UGT2B17: variants seen among roughly 807,000 people sequenced by gnomAD.
The protein encoded by UGT2B17 is UDP-glucuronosyltransferase 2B17.
UGT2B17 carries 21 observed loss-of-function variants against 48.2 expected under a neutral mutation model. The ratio of observed to expected loss-of-function variants is 0.44; its 90% CI spans 0.31 to 0.63. UGT2B17 has a LOEUF of 0.63. Among genes scored for constraint, UGT2B17 ranks in the 20% least tolerant of loss-of-function variants. The pLI is 0.08. For missense variants in UGT2B17, 402 were observed against 696.1 expected (o/e 0.58, Z 4.75); for synonymous variants, 146 against 238.4 (o/e 0.61, Z 3.57).
rs1430218118 is a variant in UGT2B17, at chr4:68,558,422, A to G, written c.1005+2115T>C. On this transcript the variant is annotated intron_variant, in intron 4 of 6. Coordinates refer to ENST00000317746, the MANE Select transcript of UGT2B17 (RefSeq NM_001077.4). ...CTAAGCTATGCTTTCATAAAGCCCT[A>G]CAAATTAAGCTAGACAACTTAAACT... is the stretch of plus-strand genomic sequence containing the variant. 2.4e-4 allele frequency among the ~76,000 whole-genome samples: 30 copies of G among 126,414 alleles called. 6 individuals are homozygous for G. Among genetic ancestry groups the G allele is most frequent in the Non-Finnish European group, 3.7e-4 (22 of 59,418 alleles). 82.9% of individuals were successfully genotyped at this position (126,414 alleles called of 152,430 possible). A position where few individuals can be genotyped will look rare whatever the true frequency, so the allele number is the denominator to read the frequency against.
At chr4:68,573,792 A>T (rs1250173031) in intron 1 of UGT2B17, among the ~76,000 whole-genome samples, 1 of 126,828 alleles carries the variant, frequency 7.9e-6, no homozygotes, top group Non-Finnish European at 1.7e-5. Context: ...AAAATTCTTA[A>T]GCTCACTGCA....
Position 68,573,996 on chromosome 4 carries a change from CA to C in UGT2B17, c.-65+1954del, listed in dbSNP as rs1731331762. 1.6e-5 allele frequency among the ~76,000 whole-genome samples: 2 copies of C among 126,322 alleles called. 1 individual carries two copies. Among genetic ancestry groups the C allele is most frequent in the Admixed American group, 1.6e-4 (2 of 12,440 alleles). 82.9% of individuals were successfully genotyped at this position (126,322 alleles called of 152,430 possible). A position where few individuals can be genotyped will look rare whatever the true frequency, so the allele number is the denominator to read the frequency against. On this transcript the variant is annotated intron_variant, in intron 1 of 6. Transcript: ENST00000317746. ...CCTGGAAAAGAGCTACCATCAGGCCCACACCTGGTGAACTGGAGGACCACCG... is the reference window on the plus strand; with the variant it reads ...CCTGGAAAAGAGCTACCATCAGGCCCCACCTGGTGAACTGGAGGACCACCG...
rs558987439 is a variant in UGT2B17, at chr4:68,572,067, C to T, written c.-64-3519G>A. On this transcript the variant is annotated intron_variant, in intron 1 of 6. Transcript: ENST00000317746. ...GAGTTTTCCTTTTTGGAGTCAAACA[C>T]GATCTTTTTTATTTTCCTTTTAAGT... is the stretch of plus-strand genomic sequence containing the variant. Among the ~76,000 whole-genome samples the T allele has an allele frequency of 4.0e-4, 50 of 125,790 alleles. 8 individuals carry two copies. The highest frequency in any genetic ancestry group is 1.3e-3 in the African/African-American group (47 of 36,890). 82.5% of individuals were successfully genotyped at this position (125,790 alleles called of 152,430 possible).
intron 3 of UGT2B17, among the ~76,000 whole-genome samples, chr4:68,562,825 G>T (rs1273196129): frequency 8.0e-6 from 1 of 125,140 alleles, no homozygotes; most frequent in Non-Finnish European, 1.7e-5. Context: ...TTTTCTCATT[G>T]TATATGCCTT....
chr4:68,563,202 A>G (rs1166473291), intron 3 of UGT2B17, among the ~76,000 whole-genome samples: 1 of 127,508 alleles, frequency 7.8e-6, no homozygotes, highest in Non-Finnish European at 1.7e-5. Flanking sequence ...AGAATCTAAT[A>G]CATAATGGAA....
intron 6 of UGT2B17, among the ~76,000 whole-genome samples, chr4:68,545,002 C>T (rs1468692677): frequency 1.6e-5 from 2 of 125,912 alleles, no homozygotes; most frequent in Non-Finnish European, 3.4e-5. Flanking sequence ...CCACCGTCAA[C>T]ATTAGACAGA....
At position 68,568,643 on chromosome 4, in the gene UGT2B17, A is replaced by T. The variant is rs1393441888; in HGVS notation, c.-64-95T>A. On this transcript the variant is annotated intron_variant, in intron 1 of 6. Coordinates refer to ENST00000317746, the MANE Select transcript of UGT2B17 (RefSeq NM_001077.4). ...TGTTTGGTGTTCTTTTATATTTACA[A>T]TTACTCTAGTCAAGCAATAATTTTT... The T allele has an allele frequency of 6.7e-5, 51 of 759,764 alleles. 10 individuals carry two copies. In the African/African-American group the frequency reaches 8.0e-4, roughly 12 times the overall value. The allele number at this position is 759,764 out of a possible 1,614,324, so 47.1% of individuals were successfully genotyped here.
intron 4 of UGT2B17, among the ~76,000 whole-genome samples, chr4:68,554,688 A>G (rs1730971515): frequency 8.0e-6 from 1 of 125,430 alleles, no homozygotes. Flanking sequence ...TCCTTCTAGC[A>G]CACCAATTTT....
At chr4:68,563,391 C>T (rs1468143308) in intron 3 of UGT2B17, among the ~76,000 whole-genome samples, 1 of 126,834 alleles carries the variant, frequency 7.9e-6, no homozygotes, top group African/African-American at 2.7e-5. Flanking sequence ...AAGTGGATCA[C>T]CTGAGGTCAG....
rs1406057662 is a variant in UGT2B17, at chr4:68,537,621, A to G, written c.*4T>C. 4 of 1,354,816 alleles carry G rather than the reference A, an allele frequency of 3.0e-6. 1 individual carries two copies. Among genetic ancestry groups the G allele is most frequent in the Non-Finnish European group, 3.8e-6 (4 of 1,040,816 alleles). 83.9% of individuals were successfully genotyped at this position (1,354,816 alleles called of 1,614,324 possible). A position where few individuals can be genotyped will look rare whatever the true frequency, so the allele number is the denominator to read the frequency against. ...GGTCATTCCACTTCAGGCTTTTGATATAACTAATCCCTTTTCTTCTTCTTT... is the reference window on the plus strand; with the variant it reads ...GGTCATTCCACTTCAGGCTTTTGATGTAACTAATCCCTTTTCTTCTTCTTT... On this transcript the variant is annotated 3_prime_UTR_variant, in exon 7 of 7. Coordinates refer to ENST00000317746, the MANE Select transcript of UGT2B17 (RefSeq NM_001077.4).
In UGT2B17 at chr4:68,550,626, T is replaced by C. The variant is rs757920685; in HGVS notation, c.1313+51A>G. On this transcript the variant is annotated intron_variant, in intron 6 of 6. Transcript: ENST00000317746. The stretch of plus-strand genomic sequence containing the variant: ...AAAGGGTTCAAACTCATATTCACTG[T>C]TGACAAAATAATTTGTAAGTACCAC... 3.7e-5 allele frequency: 48 copies of C among 1,297,442 alleles called. 12 individuals are homozygous for C. The highest frequency in any genetic ancestry group is 6.0e-5 in the African/African-American group (4 of 66,444). 80.4% of individuals were successfully genotyped at this position (1,297,442 alleles called of 1,614,324 possible).
chr4:68,537,724 C>T lies in UGT2B17; in HGVS notation c.1494G>A (p.Leu498=). Residue 498 remains leucine, a synonymous_variant, in exon 7 of 7, where the codon CTG becomes CTA. Transcript: ENST00000317746. ...QYHSLDVIAF[L]LACVATMIFM... is the part of the protein sequence containing the mutation. ...ATATCATAGTTGCCACGCAGGCCAG[C>T]AGGAATGCTATCACATCCAAAGAGT... 7.3e-7 allele frequency: 1 copy of T among 1,379,138 alleles called. No individual in the cohort carries two copies. The highest frequency in any genetic ancestry group is 9.5e-7 in the Non-Finnish European group (1 of 1,054,802). 85.4% of individuals were successfully genotyped at this position (1,379,138 alleles called of 1,614,324 possible).
rs1236953781 is a variant in UGT2B17, at chr4:68,538,497, C to A, written c.1314-593G>T. On this transcript the variant is annotated intron_variant, in intron 6 of 6. Coordinates refer to ENST00000317746, the MANE Select transcript of UGT2B17 (RefSeq NM_001077.4). ...GTCTAATCATTCTGCCTCTGTCTCC[C>A]AAAGTGTTGGCCCTACAGACATGAA... is the stretch of plus-strand genomic sequence containing the variant. Among the ~76,000 whole-genome samples, 6 of 125,224 alleles carry A rather than the reference C, an allele frequency of 4.8e-5. 1 individual carries two copies. The highest frequency in any genetic ancestry group is 1.6e-4 in the African/African-American group (6 of 36,670). The allele number at this position is 125,224 out of a possible 152,430, so 82.2% of individuals were successfully genotyped here.
At chr4:68,544,416 G>T (rs1246074159) in intron 6 of UGT2B17, among the ~76,000 whole-genome samples, 3 of 125,370 alleles carry the variant, frequency 2.4e-5, no homozygotes, top group African/African-American at 5.4e-5. Flanking sequence ...TCACCACCAG[G>T]CCTGCCCTAA....
intron 6 of UGT2B17, among the ~76,000 whole-genome samples, chr4:68,549,247 G>A (rs1159184720): frequency 8.2e-6 from 1 of 121,628 alleles, no homozygotes; most frequent in Non-Finnish European, 1.7e-5. Flanking sequence ...TGTAGTCACA[G>A]CATTTTCCAT....
At chr4:68,568,988 C>T (rs576000718) in intron 1 of UGT2B17, among the ~76,000 whole-genome samples, 1,509 of 137,876 alleles carry the variant, frequency 0.011, 20 homozygotes, top group African/African-American at 0.037. Context: ...CTCTAACCCC[C>T]CACTCTGAAA....
chr4:68,568,010 C>T lies in UGT2B17; in HGVS notation c.475G>A (p.Glu159Lys). The change falls in exon 2 of 7, where the codon GAG becomes AAG. Residue 159 changes from glutamate (E) to lysine (K), a missense_variant. By Grantham distance (56) the Glu-to-Lys change is moderately conservative. Transcript: ENST00000317746. ...ATGTTAAGTAGCTCAGCCAGCAGCTCACCACAGGGATTAACGGCATCTGCC... is the reference window on the plus strand; with the variant it reads ...ATGTTAAGTAGCTCAGCCAGCAGCTTACCACAGGGATTAACGGCATCTGCC... ...LLADAVNPCG[E>K]LLAELLNIPF... 1.4e-6 allele frequency: 2 copies of T among 1,382,314 alleles called. 1 individual carries two copies. The highest frequency in any genetic ancestry group is 1.9e-6 in the Non-Finnish European group (2 of 1,055,418). The allele number at this position is 1,382,314 out of a possible 1,614,324, so 85.6% of individuals were successfully genotyped here.
Position 68,548,458 on chromosome 4 carries a change from G to A in UGT2B17, c.1313+2219C>T, listed in dbSNP as rs1291246493. Among the ~76,000 whole-genome samples the A allele has an allele frequency of 3.2e-5, 4 of 124,718 alleles. 1 individual carries two copies. The highest frequency in any genetic ancestry group is 1.7e-4 in the Admixed American group (2 of 12,030). The allele number at this position is 124,718 out of a possible 152,430, so 81.8% of individuals were successfully genotyped here. On this transcript the variant is annotated intron_variant, in intron 6 of 6. Transcript: ENST00000317746. Reference sequence around the variant, plus strand: ...CGGGAGTGGGGAGGGATAGCATTAGGAGATACACTTAATGTTAAATGACGA... The same window carrying A: ...CGGGAGTGGGGAGGGATAGCATTAGAAGATACACTTAATGTTAAATGACGA...
intron 6 of UGT2B17, among the ~76,000 whole-genome samples, chr4:68,539,984 C>T (rs1391592948): frequency 2.5e-5 from 3 of 122,056 alleles, no homozygotes; most frequent in African/African-American, 8.4e-5. Flanking sequence ...CAGGATTTCA[C>T]CATGTTGGCC....
Sources: allele counts gnomAD v4.1 joint callset (sites outside exome capture counted in the v4.1 genomes callset), GRCh38; gene constraint gnomAD v4.1.1; transcripts MANE v1.5; gene names NCBI Gene and HGNC (gene_info 2026-07-23, HGNC 2026-07-21).